RPS6KC1: variants seen among roughly 807,000 people sequenced by gnomAD.
RPS6KC1 encodes the protein ribosomal protein S6 kinase C1.
Under a neutral mutation model 103.8 loss-of-function variants are expected in RPS6KC1, and 54 were observed. The observed-to-expected ratio is 0.52, with a 90% CI of 0.42 to 0.65. The LOEUF is 0.65. Ranked by LOEUF, RPS6KC1 falls within the 30% of genes least tolerant of loss-of-function variation. RPS6KC1 has a pLI of 0.00. For missense variants in RPS6KC1, 1,151 were observed against 1,253.8 expected (o/e 0.92, Z 1.24); for synonymous variants, 439 against 438.7 (o/e 1.00, Z -0.01).
At chr1:213,467,300 C>T in the RPS6KC1 span, among the ~76,000 whole-genome samples, 1 of 152,146 alleles carries the variant, frequency 6.6e-6, no homozygotes, top group Non-Finnish European at 1.5e-5. Context: ...AAATGTCATC[C>T]AATAGTTCCC....
the RPS6KC1 span, among the ~76,000 whole-genome samples, chr1:213,487,266 C>T: frequency 6.6e-6 from 1 of 152,096 alleles, no homozygotes; most frequent in African/African-American, 2.4e-5. Context: ...TGTGGTGGCC[C>T]ACGTTGGTAG....
the RPS6KC1 span, among the ~76,000 whole-genome samples, chr1:213,602,078 C>CTTTCTT: frequency 7.8e-5 from 3 of 38,584 alleles, no homozygotes; most frequent in African/African-American, 4.8e-4. Context: ...TTCTTTCTTT[C>CTTTCTT]TCTTTCTTTC....
chr1:213,533,193 C>A, the RPS6KC1 span, among the ~76,000 whole-genome samples: 3 of 152,050 alleles, frequency 2.0e-5, no homozygotes, highest in Non-Finnish European at 2.9e-5. Flanking sequence ...ATGGTGCATG[C>A]CAGACTGAGT....
At chr1:213,478,557 A>G in the RPS6KC1 span, among the ~76,000 whole-genome samples, 36 of 152,092 alleles carry the variant, frequency 2.4e-4, no homozygotes, top group African/African-American at 8.0e-4. Flanking sequence ...GGCCATTTTA[A>G]TGGATGTATA....
At chr1:213,703,951 A>G in the RPS6KC1 span, among the ~76,000 whole-genome samples, 1 of 152,186 alleles carries the variant, frequency 6.6e-6, no homozygotes, top group Non-Finnish European at 1.5e-5. Flanking sequence ...CTTTAAGACC[A>G]GTAACCCTTA....
the RPS6KC1 span, among the ~76,000 whole-genome samples, chr1:213,517,911 T>C: frequency 6.6e-6 from 1 of 152,196 alleles, no homozygotes; most frequent in South Asian, 2.1e-4. Context: ...ATCTGGGTGC[T>C]CCTGTATTGG....
At chr1:213,630,642 G>A in the RPS6KC1 span, among the ~76,000 whole-genome samples, 6 of 152,194 alleles carry the variant, frequency 3.9e-5, no homozygotes, top group Admixed American at 2.6e-4. Flanking sequence ...TCCTTTGGAG[G>A]AGGAGAGGTG....
At chr1:213,469,577 G>A in the RPS6KC1 span, among the ~76,000 whole-genome samples, 1 of 152,112 alleles carries the variant, frequency 6.6e-6, no homozygotes, top group Non-Finnish European at 1.5e-5. Context: ...AGGACCTAGA[G>A]TGAGGCCTCC....
At chr1:213,567,851 G>C in the RPS6KC1 span, among the ~76,000 whole-genome samples, 2 of 152,224 alleles carry the variant, frequency 1.3e-5, no homozygotes, top group South Asian at 4.1e-4. Flanking sequence ...TGCAAGGCTA[G>C]AGAAACCCAT....
the RPS6KC1 span, among the ~76,000 whole-genome samples, chr1:213,342,278 G>T: frequency 6.6e-6 from 1 of 152,244 alleles, no homozygotes; most frequent in East Asian, 1.9e-4. Flanking sequence ...GTCCCCTCCT[G>T]TCATATTTTG....
the RPS6KC1 span, among the ~76,000 whole-genome samples, chr1:213,507,325 TG>T: frequency 1.7e-4 from 26 of 152,106 alleles, no homozygotes; most frequent in African/African-American, 6.0e-4. Flanking sequence ...ACCATTGTGT[TG>T]GCAGCGCAGG....
At chr1:213,405,460 G>A in the RPS6KC1 span, among the ~76,000 whole-genome samples, 927 of 152,326 alleles carry the variant, frequency 6.1e-3, 8 homozygotes, top group African/African-American at 0.021. Flanking sequence ...AAATTCACCA[G>A]CATCTCTGAG....
chr1:213,266,112 C>T lies in RPS6KC1; in HGVS notation c.3090+3296C>T, dbSNP rs148322320. On this transcript the variant is annotated intron_variant, in intron 14 of 14. Transcript: ENST00000366960. Reference sequence around the variant, plus strand: ...GTTATTATTATTGATAGGACAGTGACGAACATTCATGACACAGTAATTTGC... The same window carrying T: ...GTTATTATTATTGATAGGACAGTGATGAACATTCATGACACAGTAATTTGC... 2.0e-4 allele frequency among the ~76,000 whole-genome samples: 31 copies of T among 152,142 alleles called. 1 individual carries two copies. In the East Asian group the frequency reaches 5.6e-3, roughly 28 times the overall value.
intron 3 of RPS6KC1, among the ~76,000 whole-genome samples, chr1:213,084,760 C>T (rs1397227560): frequency 6.6e-6 from 1 of 152,132 alleles, no homozygotes; most frequent in Non-Finnish European, 1.5e-5. Context: ...TACCTTCTGC[C>T]TCTCTATCCA....
the RPS6KC1 span, among the ~76,000 whole-genome samples, chr1:213,806,603 C>A: frequency 2.7e-5 from 4 of 147,500 alleles, no homozygotes; most frequent in South Asian, 6.8e-4. Context: ...GATTGCAACC[C>A]CTGCCTTTTT....
chr1:213,155,323 C>T (rs1301479822), intron 6 of RPS6KC1, among the ~76,000 whole-genome samples: 2 of 152,086 alleles, frequency 1.3e-5, no homozygotes, highest in African/African-American at 4.8e-5. Flanking sequence ...TACTAGGACT[C>T]GCCTACAAGT....
chr1:213,749,332 G>T, the RPS6KC1 span, among the ~76,000 whole-genome samples: 1 of 152,214 alleles, frequency 6.6e-6, no homozygotes, highest in African/African-American at 2.4e-5. Context: ...CTCTACTGCA[G>T]CTGGGGCAGG....
the RPS6KC1 span, among the ~76,000 whole-genome samples, chr1:213,782,180 T>G: frequency 6.6e-6 from 1 of 152,136 alleles, no homozygotes; most frequent in East Asian, 1.9e-4. Flanking sequence ...TGCTTCTATC[T>G]TGGGGCTCCA....
the RPS6KC1 span, among the ~76,000 whole-genome samples, chr1:213,744,317 A>G: frequency 1.3e-5 from 2 of 152,210 alleles, no homozygotes; most frequent in Non-Finnish European, 2.9e-5. Context: ...AAAAAATAAA[A>G]AAAACCTCTA....
Sources: gnomAD v4.1 joint callset for allele counts (sites outside exome capture counted in the v4.1 genomes callset) on GRCh38, gnomAD v4.1.1 for gene constraint, MANE v1.5 for transcripts, NCBI Gene and HGNC (gene_info 2026-07-23, HGNC 2026-07-21) for gene names.